Variants in SHISA9 observed in about 807,000 individuals in gnomAD.
SHISA9 encodes protein shisa-9.
In SHISA9, 13 loss-of-function variants were observed where a neutral mutation model predicts 38.0. The observed-to-expected ratio is 0.34, with a 90% CI of 0.22 to 0.54. The LOEUF is 0.54. Ranked by LOEUF, SHISA9 falls within the 20% of genes least tolerant of loss-of-function variation. SHISA9 has a pLI of 0.91. For missense variants in SHISA9, 538 were observed against 575.8 expected, an observed-to-expected ratio of 0.93 and a Z score of 0.67; for synonymous variants, 275 against 242.0, an observed-to-expected ratio of 1.14 and a Z score of -1.27.
the SHISA9 span, among the ~76,000 whole-genome samples, chr16:13,520,603 C>CAAAAA: frequency 1.2e-3 from 68 of 56,234 alleles, 1 homozygote; most frequent in African/African-American, 4.8e-3. Flanking sequence ...AACTCTGTCT[C>CAAAAA]AAAAAAAAAA....
chr16:13,225,010 A>T (rs559746782), intron 4 of SHISA9, among the ~76,000 whole-genome samples: 11 of 152,274 alleles, frequency 7.2e-5, no homozygotes, highest in African/African-American at 2.6e-4. Flanking sequence ...TGCAGAGGTC[A>T]TTGAGTTGAG....
At chr16:13,211,571 T>C (rs75189277) in intron 3 of SHISA9, among the ~76,000 whole-genome samples, 2,240 of 152,342 alleles carry the variant, frequency 0.015, 58 homozygotes, top group African/African-American at 0.052. Flanking sequence ...TTCCTCTTCA[T>C]GAGCATTTTT....
the SHISA9 span, among the ~76,000 whole-genome samples, chr16:13,494,723 G>A: frequency 6.6e-6 from 1 of 152,082 alleles, no homozygotes; most frequent in Non-Finnish European, 1.5e-5. Context: ...ACTAAATAAT[G>A]ACGTAGAAAT....
intron 2 of SHISA9, among the ~76,000 whole-genome samples, chr16:13,014,627 C>T (rs558415409): frequency 2.6e-5 from 4 of 151,886 alleles, no homozygotes; most frequent in East Asian, 1.9e-4. Flanking sequence ...CATCTCATCT[C>T]GGGTTACTGC....
the SHISA9 span, among the ~76,000 whole-genome samples, chr16:13,522,276 A>C: frequency 6.6e-6 from 1 of 152,230 alleles, no homozygotes. Flanking sequence ...TACATCAGGT[A>C]GAGGATGGTA....
At chr16:13,330,256 A>G in the SHISA9 span, among the ~76,000 whole-genome samples, 4 of 152,224 alleles carry the variant, frequency 2.6e-5, no homozygotes, top group African/African-American at 9.6e-5. Flanking sequence ...TTGATCAACC[A>G]GGATTTTTTT....
At chr16:13,545,822 G>A in the SHISA9 span, among the ~76,000 whole-genome samples, 6 of 152,172 alleles carry the variant, frequency 3.9e-5, no homozygotes, top group African/African-American at 1.4e-4. Flanking sequence ...ATCACACGGT[G>A]TAAAGTCTGG....
intron 2 of SHISA9, among the ~76,000 whole-genome samples, chr16:13,160,856 G>A (rs573279815): frequency 3.3e-5 from 5 of 152,282 alleles, no homozygotes; most frequent in African/African-American, 9.6e-5. Flanking sequence ...GCTGCGTCTG[G>A]CTGAGACAGG....
Position 12,902,550 on chromosome 16 carries a change from C to T in SHISA9, c.486C>T (p.Ala162=), listed in dbSNP as rs370699466. ...LIVYIICGVV[A]VMVLVGIFTK... ...TCTACATCATCTGCGGGGTGGTGGC[C>T]GTCATGGTGCTCGTGGGCATCTTCA... Residue 162 remains alanine, a synonymous_variant, in exon 1 of 5, where the codon GCC becomes GCT. Transcript: ENST00000558583. The T allele has an allele frequency of 1.7e-5, 27 of 1,551,182 alleles. No individual in the cohort carries two copies. Among genetic ancestry groups the T allele is most frequent in the East Asian group, 7.3e-5 (3 of 40,890 alleles).
At chr16:13,303,066 C>G in the SHISA9 span, among the ~76,000 whole-genome samples, 1 of 152,296 alleles carries the variant, frequency 6.6e-6, no homozygotes, top group South Asian at 2.1e-4. Flanking sequence ...TGGAAACAGA[C>G]TAATACGATG....
At chr16:13,556,809 C>G in the SHISA9 span, among the ~76,000 whole-genome samples, 1 of 151,784 alleles carries the variant, frequency 6.6e-6, no homozygotes, top group Non-Finnish European at 1.5e-5. Context: ...CAAAAAAATA[C>G]AAATTTTTTC....
chr16:13,079,172 C>G (rs1352130032), intron 2 of SHISA9, among the ~76,000 whole-genome samples: 1 of 152,176 alleles, frequency 6.6e-6, no homozygotes, highest in Non-Finnish European at 1.5e-5. Flanking sequence ...ACGTAGAAGA[C>G]ACAATCAATG....
At chr16:13,113,016 C>T (rs948594440) in intron 2 of SHISA9, among the ~76,000 whole-genome samples, 4 of 151,880 alleles carry the variant, frequency 2.6e-5, no homozygotes, top group African/African-American at 9.7e-5. Context: ...TTGAAACCAG[C>T]CTGTCCAACA....
At chr16:13,548,050 G>T in the SHISA9 span, among the ~76,000 whole-genome samples, 18 of 152,156 alleles carry the variant, frequency 1.2e-4, no homozygotes, top group East Asian at 3.3e-3. Context: ...AGAGAACAAA[G>T]AAATAAATCC....
At position 13,224,829 on chromosome 16, in the gene SHISA9, T is replaced by C. The variant is rs184346732; in HGVS notation, c.896-10201T>C. On this transcript the variant is annotated intron_variant, in intron 4 of 4. Coordinates refer to ENST00000558583, the MANE Select transcript of SHISA9 (RefSeq NM_001145204.3). ...TTTGGTCACAGGTCCAGATGACAAG[T>C]AGTATTTAGGCAGAGGAAACAGCAG... Among the ~76,000 whole-genome samples, 383 of 152,154 alleles carry C rather than the reference T, an allele frequency of 2.5e-3. 1 individual carries two copies. The highest frequency in any genetic ancestry group is 4.1e-3 in the Non-Finnish European group (277 of 68,004).
chr16:13,340,698 G>T, the SHISA9 span, among the ~76,000 whole-genome samples: 15 of 152,210 alleles, frequency 9.9e-5, no homozygotes, highest in African/African-American at 3.4e-4. Flanking sequence ...CTCTTATCCA[G>T]CCTGGCCTTA....
intron 2 of SHISA9, among the ~76,000 whole-genome samples, chr16:13,171,737 C>A (rs929805384): frequency 2.0e-5 from 3 of 152,006 alleles, no homozygotes; most frequent in Non-Finnish European, 4.4e-5. Flanking sequence ...CTGTGTGGGC[C>A]GGGTAAGGAC....
intron 2 of SHISA9, among the ~76,000 whole-genome samples, chr16:13,037,049 A>G (rs1046318265): frequency 1.2e-4 from 18 of 147,614 alleles, no homozygotes; most frequent in Non-Finnish European, 1.9e-4. Context: ...AAAGGAAAGC[A>G]GGGAATGATC....
At chr16:13,261,625 C>G in the SHISA9 span, among the ~76,000 whole-genome samples, 1 of 152,126 alleles carries the variant, frequency 6.6e-6, no homozygotes, top group East Asian at 1.9e-4. Flanking sequence ...TTCACTTTAC[C>G]CTTTCTTATA....
Sources: allele counts gnomAD v4.1 joint callset (sites outside exome capture counted in the v4.1 genomes callset), GRCh38; gene constraint gnomAD v4.1.1; transcripts MANE v1.5; gene names NCBI Gene and HGNC (gene_info 2026-07-23, HGNC 2026-07-21).